The following NR3C1 variants were observed in gnomAD, a reference collection of about 807,000 sequenced individuals.
The protein encoded by NR3C1 is nuclear receptor subfamily 3 group C member 1.
NR3C1 carries 14 observed loss-of-function variants against 74.0 expected under a neutral mutation model. The ratio of observed to expected loss-of-function variants is 0.19; its 90% CI spans 0.12 to 0.30. The LOEUF (loss-of-function observed/expected upper bound fraction) is 0.30. Among genes scored for constraint, NR3C1 ranks in the 10% least tolerant of loss-of-function variants. NR3C1 has a pLI of 1.00. For missense variants in NR3C1, 695 were observed against 909.8 expected (o/e 0.76, Z 3.04); for synonymous variants, 308 against 332.5 (o/e 0.93, Z 0.80).
intron 7 of NR3C1, among the ~76,000 whole-genome samples, chr5:143,289,460 A>C (rs139360539): frequency 1.3e-5 from 2 of 152,346 alleles, no homozygotes; most frequent in Non-Finnish European, 2.9e-5. Context: ...GAAACTACAG[A>C]ATTTCTATAA....
At chr5:143,299,823 T>C (rs1177662758) in intron 5 of NR3C1, among the ~76,000 whole-genome samples, 1 of 152,214 alleles carries the variant, frequency 6.6e-6, no homozygotes, top group Non-Finnish European at 1.5e-5. Flanking sequence ...TGCCCTGCTA[T>C]TCACACCTCT....
At chr5:143,386,427 T>C (rs1479440295) in intron 2 of NR3C1, among the ~76,000 whole-genome samples, 3 of 152,180 alleles carry the variant, frequency 2.0e-5, no homozygotes, top group African/African-American at 7.2e-5. Context: ...TTTAAAAGAA[T>C]GGGATCCGCA....
chr5:143,337,774 C>A (rs1435908035), intron 2 of NR3C1, among the ~76,000 whole-genome samples: 1 of 152,080 alleles, frequency 6.6e-6, no homozygotes, highest in South Asian at 2.1e-4. Context: ...ATATGATATT[C>A]TATTAACATG....
chr5:143,282,717 C>A lies in NR3C1; in HGVS notation c.2032G>T (p.Asp678Tyr). 2 of 1,613,462 alleles carry A rather than the reference C, an allele frequency of 1.2e-6. No individual in the cohort carries two copies. Among genetic ancestry groups the A allele is most frequent in the Non-Finnish European group, 1.7e-6 (2 of 1,179,826 alleles). ...AATAGCTCTTGGCTCTTCAGACCGT[C>A]CTTAGGAACTAAAAGGTTAAGATGA... ...TLLLLSSVPK[D>Y]GLKSQELFDE... Residue 678 changes from aspartate (D) to tyrosine (Y), a missense_variant, in exon 8 of 9, where the codon GAC (aspartate) becomes TAC (tyrosine). By Grantham distance (160) the Asp-to-Tyr change is radical. This residue lies in a region of NR3C1 where 133 missense variants were observed against 287.9 expected (regional missense o/e 0.46). Coordinates refer to ENST00000394464, the MANE Select transcript of NR3C1 (RefSeq NM_000176.3).
intron 2 of NR3C1, among the ~76,000 whole-genome samples, chr5:143,353,636 A>AT (rs1830605116): frequency 6.6e-6 from 1 of 152,078 alleles, no homozygotes; most frequent in Non-Finnish European, 1.5e-5. Context: ...GAAAGTAATC[A>AT]TTTTTTTCTG....
At chr5:143,409,647 GA>G (rs1841230168) in intron 1 of NR3C1, among the ~76,000 whole-genome samples, 1 of 152,124 alleles carries the variant, frequency 6.6e-6, no homozygotes, top group African/African-American at 2.4e-5. Context: ...AGGTTCAAGG[GA>G]ACCCAGCTGA....
Position 143,279,267 on chromosome 5 carries a change from G to T in NR3C1, c.*2622C>A. 1 of 1,379,028 alleles carries T rather than the reference G, an allele frequency of 7.3e-7. No individual in the cohort carries two copies. Among genetic ancestry groups the T allele is most frequent in the South Asian group, 1.4e-5 (1 of 71,058 alleles). 85.4% of individuals were successfully genotyped at this position (1,379,028 alleles called of 1,614,324 possible). On this transcript the variant is annotated 3_prime_UTR_variant, in exon 9 of 9. Coordinates refer to ENST00000394464, the MANE Select transcript of NR3C1 (RefSeq NM_000176.3). ...TGAAAAGCCTCCTATAGTTGTCGAT[G>T]AGCATCAGTTGACTTATTATTGACA... is the stretch of plus-strand genomic sequence containing the variant.
chr5:143,370,302 G>A (rs534379201), intron 2 of NR3C1, among the ~76,000 whole-genome samples: 4 of 152,268 alleles, frequency 2.6e-5, no homozygotes, highest in African/African-American at 9.6e-5. Flanking sequence ...AGGAACCAAG[G>A]ACAAGATGGT....
chr5:143,357,925 GT>G (rs1384438887), intron 2 of NR3C1, among the ~76,000 whole-genome samples: 3 of 151,976 alleles, frequency 2.0e-5, no homozygotes, highest in Admixed American at 6.6e-5. Flanking sequence ...AGTTCTTTTG[GT>G]TAATAACTAA....
At chr5:143,361,639 C>T (rs1036759730) in intron 2 of NR3C1, among the ~76,000 whole-genome samples, 1 of 152,214 alleles carries the variant, frequency 6.6e-6, no homozygotes. Context: ...GATCGCTCTA[C>T]TACTGAAGCT....
chr5:143,335,181 G>C (rs1201166179), intron 2 of NR3C1, among the ~76,000 whole-genome samples: 1 of 152,150 alleles, frequency 6.6e-6, no homozygotes, highest in Admixed American at 6.5e-5. Context: ...CAGTACAGTG[G>C]TACATGCCGA....
At position 143,289,589 on chromosome 5, in the gene NR3C1, A is replaced by G. The variant is rs1815373774; in HGVS notation, c.2023+5871T>C. 1.3e-5 allele frequency among the ~76,000 whole-genome samples: 2 copies of G among 152,224 alleles called. 1 individual carries two copies. Among genetic ancestry groups the G allele is most frequent in the African/African-American group, 4.8e-5 (2 of 41,472 alleles). ...TTGCTCATCTCTACATTTTTTTAAGAAAACTGTAAATGTAATCCACTTAAA... is the reference window on the plus strand; with the variant it reads ...TTGCTCATCTCTACATTTTTTTAAGGAAACTGTAAATGTAATCCACTTAAA... On this transcript the variant is annotated intron_variant, in intron 7 of 8. Transcript: ENST00000394464.
At chr5:143,314,229 C>T (rs61753481) in intron 2 of NR3C1, 61 bp from the exon 3 acceptor site, 765 of 1,542,918 alleles carry the variant, frequency 5.0e-4, no homozygotes, top group Non-Finnish European at 6.3e-4. Flanking sequence ...AAATACAGTT[C>T]TCTTAGCTTC....
chr5:143,319,030 G>A (rs1042517155), intron 2 of NR3C1, among the ~76,000 whole-genome samples: 1 of 152,116 alleles, frequency 6.6e-6, no homozygotes, highest in Non-Finnish European at 1.5e-5. Flanking sequence ...AATAAAGTAC[G>A]TGTTACTGTG....
chr5:143,335,545 T>G (rs1459168653), intron 2 of NR3C1, among the ~76,000 whole-genome samples: 1 of 152,246 alleles, frequency 6.6e-6, no homozygotes, highest in Non-Finnish European at 1.5e-5. Flanking sequence ...GCCATTCTTT[T>G]GACAGAAAAC....
At chr5:143,397,593 C>A (rs912837229) in intron 2 of NR3C1, among the ~76,000 whole-genome samples, 3 of 151,826 alleles carry the variant, frequency 2.0e-5, no homozygotes, top group Non-Finnish European at 4.4e-5. Flanking sequence ...TAACAAAATA[C>A]CCTGTATAAA....
At chr5:143,298,638 T>C (rs1411658009) in intron 6 of NR3C1, 30 bp downstream of exon 6, 1 of 1,604,308 alleles carries the variant, frequency 6.2e-7, no homozygotes, top group South Asian at 1.1e-5. Context: ...ACCCTATGAA[T>C]ACAGGGAAAA....
chr5:143,279,303 C>T lies in NR3C1; in HGVS notation c.*2586G>A. 2.6e-6 allele frequency: 4 copies of T among 1,527,560 alleles called. No individual in the cohort carries two copies. Among genetic ancestry groups the T allele is most frequent in the Non-Finnish European group, 3.5e-6 (4 of 1,137,132 alleles). 94.6% of individuals were successfully genotyped at this position (1,527,560 alleles called of 1,614,324 possible). ...GACTTATTATTGACAACGAAGTGCA[C>T]ATAATCTTCTTTTTCTCATTGAGTT... On this transcript the variant is annotated 3_prime_UTR_variant, in exon 9 of 9. Transcript: ENST00000394464.
At chr5:143,403,118 T>G (rs1396637399) in intron 1 of NR3C1, 93 bp downstream of exon 1, 2 of 967,494 alleles carry the variant, frequency 2.1e-6, no homozygotes, top group Non-Finnish European at 1.2e-6. Flanking sequence ...TAAAAGTTTG[T>G]AGGCTCCCGC....
Sources: allele counts gnomAD v4.1 joint callset (sites outside exome capture counted in the v4.1 genomes callset), GRCh38; gene constraint gnomAD v4.1.1; regional missense constraint gnomAD v4.1.1; transcripts MANE v1.5; gene names NCBI Gene and HGNC (gene_info 2026-07-23, HGNC 2026-07-21).